Variants in NOS2 observed in about 807,000 individuals in gnomAD.
NOS2 encodes the protein nitric oxide synthase 2, also known as nitric oxide synthase, inducible.
In NOS2, 96 loss-of-function variants were observed where a neutral mutation model predicts 136.0. The observed-to-expected ratio is 0.71, with a 90% CI of 0.60 to 0.84. The LOEUF (loss-of-function observed/expected upper bound fraction) is 0.84. NOS2 is among the 40% of genes least tolerant of loss of function. The pLI is 0.00. For missense variants in NOS2, 1,237 were observed against 1,496.9 expected, an observed-to-expected ratio of 0.83 and a Z score of 2.87; for synonymous variants, 539 against 587.5, an observed-to-expected ratio of 0.92 and a Z score of 1.20.
intron 11 of NOS2, among the ~76,000 whole-genome samples, chr17:27,774,942 G>T (rs1253195313): frequency 6.6e-6 from 1 of 152,244 alleles, no homozygotes; most frequent in African/African-American, 2.4e-5. Context: ...GAGAACTGTA[G>T]TGTATGGGAG....
chr17:27,784,868 C>T (rs1908970758), intron 5 of NOS2, among the ~76,000 whole-genome samples: 1 of 152,188 alleles, frequency 6.6e-6, no homozygotes, highest in South Asian at 2.1e-4. Context: ...GGTTCTCTTG[C>T]TCAGGGAAGC....
intron 16 of NOS2, 136 bp from the exon 17 acceptor site, chr17:27,769,287 G>A: frequency 1.1e-6 from 1 of 920,298 alleles, no homozygotes; most frequent in South Asian, 1.7e-5. Flanking sequence ...CCCCCTTCTG[G>A]TCCTCTCCAT....
intron 17 of NOS2, 96 bp downstream of exon 17, chr17:27,768,881 G>A (rs2151327418): frequency 7.5e-7 from 1 of 1,328,092 alleles, no homozygotes; most frequent in Non-Finnish European, 1.0e-6. Flanking sequence ...ACCACAGGCA[G>A]AGGTCATGCC....
In NOS2 at chr17:27,778,686, A is replaced by T. The variant is rs1425020653; in HGVS notation, c.1281+4T>A. ...TCTTCAGACTCACAAAACTCCAGAC[A>T]TACCTGGAAACTATGGAGCACAGCA... is the stretch of plus-strand genomic sequence containing the variant. On this transcript the variant is annotated splice_donor_region_variant and intron_variant, in intron 11 of 26. Transcript: ENST00000313735. 6.2e-7 allele frequency: 1 copy of T among 1,612,502 alleles called. No individual in the cohort carries two copies. The highest frequency in any genetic ancestry group is 1.1e-5 in the South Asian group (1 of 91,064).
Position 27,788,793 on chromosome 17 carries a change from G to A in NOS2, c.318+16C>T, listed in dbSNP as rs139100417. ...GCTTGGGACAAAGGTGGTTCTCCCT[G>A]AAGCCCCAGACTTACCCCTTTGGCC... On this transcript the variant is annotated intron_variant, in intron 4 of 26. Coordinates refer to ENST00000313735, the MANE Select transcript of NOS2 (RefSeq NM_000625.4). 4.6e-4 allele frequency: 736 copies of A among 1,605,692 alleles called. 1 individual carries two copies. Among genetic ancestry groups the A allele is most frequent in the Non-Finnish European group, 5.9e-4 (687 of 1,173,852 alleles).
rs1908549892 is a variant in NOS2, at chr17:27,773,144, C to T, written c.1559+17G>A. 1.9e-6 allele frequency: 3 copies of T among 1,598,220 alleles called. No individual in the cohort carries two copies. The highest frequency in any genetic ancestry group is 1.7e-6 in the Non-Finnish European group (2 of 1,165,488). ...ATAGTTCACACATCACTACTAGCCACTGCCACTGCCACTCACTTGACCAAG... is the reference window on the plus strand; with the variant it reads ...ATAGTTCACACATCACTACTAGCCATTGCCACTGCCACTCACTTGACCAAG... On this transcript the variant is annotated intron_variant, in intron 13 of 26. Transcript: ENST00000313735.
At position 27,772,407 on chromosome 17, in the gene NOS2, G is replaced by A. The variant is rs1908524955; in HGVS notation, c.1605C>T (p.Ser535=). 6.2e-7 allele frequency: 1 copy of A among 1,613,914 alleles called. No individual in the cohort carries two copies. Among genetic ancestry groups the A allele is most frequent in the Non-Finnish European group, 8.5e-7 (1 of 1,180,026 alleles). Residue 535 remains serine (S), a synonymous_variant, in exon 14 of 27, where the codon TCC becomes TCT. Transcript: ENST00000313735. ...CAAAGAGGATGGTGACTCTGACTCG[G>A]GACGCCATTGTCTTGCGCATCAGCA... is the stretch of plus-strand genomic sequence containing the variant. ...ACMLMRKTMA[S]RVRVTILFAT...
intron 19 of NOS2, 22 bp downstream of exon 19, chr17:27,766,488 G>A (rs1455626842): frequency 6.3e-6 from 10 of 1,594,700 alleles, no homozygotes; most frequent in African/African-American, 1.3e-5. Context: ...TATCACCCAC[G>A]AAGCCCTGCA....
In NOS2 at chr17:27,765,539, C is replaced by T. The variant is rs746034121; in HGVS notation, c.2424G>A (p.Glu808=). The T allele has an allele frequency of 1.3e-6, 2 of 1,597,530 alleles. No individual in the cohort carries two copies. Among genetic ancestry groups the T allele is most frequent in the Middle Eastern group, 4.3e-4 (2 of 4,640 alleles). ...GCTTTCTAGCCCGGGGCTCACCACT[C>T]TCATCCAGGGCCTCCAGGCGCACTG... ...HQTVRLEALD[E]SGSYWVSDKR... is the part of the protein sequence containing the mutation. The change falls in exon 20 of 27, where the codon GAG becomes GAA. Residue 808 remains glutamate (E), a synonymous_variant. Transcript: ENST00000313735.
intron 6 of NOS2, among the ~76,000 whole-genome samples, chr17:27,782,419 T>C (rs190236996): frequency 6.6e-6 from 1 of 152,266 alleles, no homozygotes; most frequent in Admixed American, 6.5e-5. Context: ...TGAATCGGGA[T>C]TGCCACAGCC....
chr17:27,760,529 A>G, intron 24 of NOS2, 94 bp downstream of exon 24: 1 of 1,508,444 alleles, frequency 6.6e-7, no homozygotes, highest in Non-Finnish European at 9.0e-7. Context: ...TTCCCTCGAG[A>G]GAGGTCAGGA....
At chr17:27,757,386 G>A (rs772914741) in intron 26 of NOS2, 33 bp from the exon 27 acceptor site, 5 of 1,600,686 alleles carry the variant, frequency 3.1e-6, no homozygotes, top group Admixed American at 1.7e-5. Context: ...AACGTGTCAA[G>A]TCCAGGCTGG....
intron 9 of NOS2, among the ~76,000 whole-genome samples, chr17:27,780,048 GAAATA>G (rs1389161587): frequency 6.6e-6 from 1 of 152,154 alleles, no homozygotes; most frequent in Non-Finnish European, 1.5e-5. Flanking sequence ...AAATATATAA[GAAATA>G]AAAACAAGAT....
intron 22 of NOS2, among the ~76,000 whole-genome samples, chr17:27,761,871 C>G (rs1024500179): frequency 6.6e-6 from 1 of 152,160 alleles, no homozygotes; most frequent in Admixed American, 6.5e-5. Flanking sequence ...TGGTTTTCCT[C>G]GGGATTAAAC....
rs1908213007 is a variant in NOS2 at position 27,763,882 on chromosome 17, G to A, written c.2592+99C>T. On this transcript the variant is annotated intron_variant, in intron 21 of 26. Coordinates refer to ENST00000313735, the MANE Select transcript of NOS2 (RefSeq NM_000625.4). ...ACAAGTCTCACTTTGGGAACCTGGT[G>A]TGGATCCCTCTTGAAAGTTAAAACC... 1.3e-5 allele frequency: 12 copies of A among 959,242 alleles called. No homozygotes were observed. The South Asian group carries it at 1.4e-4, about 11-fold the overall frequency. The allele number at this position is 959,242 out of a possible 1,614,324, so 59.4% of individuals were successfully genotyped here. A position where few individuals can be genotyped will look rare whatever the true frequency, so the allele number is the denominator to read the frequency against.
chr17:27,783,135 C>T (rs1269821024), intron 5 of NOS2, 29 bp from the exon 6 acceptor site: 2 of 1,612,222 alleles, frequency 1.2e-6, no homozygotes, highest in South Asian at 1.1e-5. Flanking sequence ...GCAGGAAGAT[C>T]AACAATGAGA....
At chr17:27,797,004 G>C (rs1418037412) in intron 2 of NOS2, among the ~76,000 whole-genome samples, 1 of 152,136 alleles carries the variant, frequency 6.6e-6, no homozygotes, top group African/African-American at 2.4e-5. Context: ...CTGCCAGGGA[G>C]AGCGAGTCCA....
In NOS2 at chr17:27,778,981, G is replaced by T; in HGVS notation, c.1080C>A (p.Gly360=). The T allele has an allele frequency of 6.2e-7, 1 of 1,612,484 alleles. No homozygotes were observed. Among genetic ancestry groups the T allele is most frequent in the Non-Finnish European group, 8.5e-7 (1 of 1,178,894 alleles). ...AGGGGCACCCTGGGAACTCCAGGCCGCCCACCTCAAGCAGCATGTTGGCCA... is the reference window on the plus strand; with the variant it reads ...AGGGGCACCCTGGGAACTCCAGGCCTCCCACCTCAAGCAGCATGTTGGCCA... ...PAVANMLLEV[G]GLEFPGCPFN... is the part of the protein sequence containing the mutation. The change falls in exon 10 of 27, where the codon GGC becomes GGA. Residue 360 remains glycine (G), a synonymous_variant. Coordinates refer to ENST00000313735, the MANE Select transcript of NOS2 (RefSeq NM_000625.4).
intron 11 of NOS2, among the ~76,000 whole-genome samples, chr17:27,778,204 CT>C (rs998487573): frequency 1.1e-4 from 16 of 148,770 alleles, no homozygotes; most frequent in East Asian, 2.0e-4. Context: ...GGGAGGCCTT[CT>C]TTTTTTTTTG....
Sources: gnomAD v4.1 joint callset for allele counts (sites outside exome capture counted in the v4.1 genomes callset) on GRCh38, gnomAD v4.1.1 for gene constraint, MANE v1.5 for transcripts, NCBI Gene and HGNC (gene_info 2026-07-23, HGNC 2026-07-21) for gene names.